Variants in SLC24A2 observed in about 807,000 individuals in gnomAD.
The protein encoded by SLC24A2 is solute carrier family 24 member 2, also known as sodium/potassium/calcium exchanger 2.
Under a neutral mutation model 62.0 loss-of-function variants are expected in SLC24A2, and 36 were observed. The ratio of observed to expected loss-of-function variants is 0.58; its 90% CI spans 0.44 to 0.77. SLC24A2 has a LOEUF of 0.77. SLC24A2 is among the 30% of genes least tolerant of loss of function. SLC24A2 has a pLI of 0.00. For synonymous variants in SLC24A2, 358 were observed against 294.0 expected, an observed-to-expected ratio of 1.22 and a Z score of -2.23; for missense variants, 846 against 817.9, an observed-to-expected ratio of 1.03 and a Z score of -0.42.
the SLC24A2 span, among the ~76,000 whole-genome samples, chr9:20,245,236 T>C: frequency 6.6e-6 from 1 of 152,216 alleles, no homozygotes; most frequent in African/African-American, 2.4e-5. Context: ...CTGTGATTAA[T>C]ACCAAGTGAC....
the SLC24A2 span, among the ~76,000 whole-genome samples, chr9:19,904,691 G>A: frequency 6.6e-6 from 1 of 152,102 alleles, no homozygotes; most frequent in Non-Finnish European, 1.5e-5. Flanking sequence ...TACATTGTAT[G>A]GTTTCTCATT....
At chr9:20,157,543 T>C in the SLC24A2 span, among the ~76,000 whole-genome samples, 1 of 151,614 alleles carries the variant, frequency 6.6e-6, no homozygotes, top group African/African-American at 2.4e-5. Context: ...GGACTTCATA[T>C]TTCACAACTA....
chr9:19,677,643 AT>A (rs1331079879), intron 2 of SLC24A2, among the ~76,000 whole-genome samples: 1 of 152,136 alleles, frequency 6.6e-6, no homozygotes, highest in Non-Finnish European at 1.5e-5. Context: ...ATTCTCATGA[AT>A]TTTGGCAATT....
intron 2 of SLC24A2, among the ~76,000 whole-genome samples, chr9:19,702,842 A>T (rs896735533): frequency 5.9e-5 from 9 of 152,206 alleles, no homozygotes; most frequent in Admixed American, 1.3e-4. Flanking sequence ...GCTTGCCATA[A>T]ATAGAAAATA....
At chr9:19,679,151 G>A (rs1450471373) in intron 2 of SLC24A2, among the ~76,000 whole-genome samples, 1 of 152,162 alleles carries the variant, frequency 6.6e-6, no homozygotes, top group East Asian at 1.9e-4. Context: ...TTATAGGCCA[G>A]CTTGTGGCAG....
chr9:19,966,473 T>G, the SLC24A2 span, among the ~76,000 whole-genome samples: 3 of 152,174 alleles, frequency 2.0e-5, no homozygotes, highest in Admixed American at 2.0e-4. Context: ...GTAGCTAAGC[T>G]AAAGCTACCA....
chr9:19,559,466 GACTT>G (rs1835284332), intron 7 of SLC24A2, among the ~76,000 whole-genome samples: 1 of 152,130 alleles, frequency 6.6e-6, no homozygotes, highest in Non-Finnish European at 1.5e-5. Context: ...GCTTTAAGTA[GACTT>G]ACTATCAGAA....
the SLC24A2 span, among the ~76,000 whole-genome samples, chr9:20,061,982 T>A: frequency 6.6e-6 from 1 of 152,162 alleles, no homozygotes; most frequent in African/African-American, 2.4e-5. Flanking sequence ...ACACCTGTAA[T>A]CCCAGTGCTT....
At chr9:19,836,876 C>T in the SLC24A2 span, among the ~76,000 whole-genome samples, 1 of 152,154 alleles carries the variant, frequency 6.6e-6, no homozygotes, top group Admixed American at 6.5e-5. Flanking sequence ...AAAGCTTATC[C>T]ACCATGATCA....
chr9:20,020,392 TA>T, the SLC24A2 span, among the ~76,000 whole-genome samples: 1 of 152,122 alleles, frequency 6.6e-6, no homozygotes, highest in African/African-American at 2.4e-5. Context: ...TATGCAGCCC[TA>T]AAAAAGGATG....
At chr9:19,528,160 T>C (rs1382325345) in intron 8 of SLC24A2, 22 bp from the exon 9 acceptor site, 2 of 1,476,474 alleles carry the variant, frequency 1.4e-6, no homozygotes, top group East Asian at 2.3e-5. Flanking sequence ...CCAGGAAGAG[T>C]TGAGAATATC....
chr9:20,262,659 A>G, the SLC24A2 span, among the ~76,000 whole-genome samples: 1 of 152,166 alleles, frequency 6.6e-6, no homozygotes, highest in Non-Finnish European at 1.5e-5. Context: ...ATCTCATTTC[A>G]TATTTGGGCA....
chr9:20,247,386 C>A, the SLC24A2 span, among the ~76,000 whole-genome samples: 38 of 152,198 alleles, frequency 2.5e-4, no homozygotes, highest in Non-Finnish European at 4.0e-4. Flanking sequence ...TCTCAAAATT[C>A]GTATGTTGAA....
chr9:20,005,865 TAAA>T, the SLC24A2 span, among the ~76,000 whole-genome samples: 1 of 140,738 alleles, frequency 7.1e-6, no homozygotes. Context: ...CCTACTCCAT[TAAA>T]AAAAAAAAAA....
chr9:19,818,986 G>A, the SLC24A2 span, among the ~76,000 whole-genome samples: 1 of 152,062 alleles, frequency 6.6e-6, no homozygotes, highest in African/African-American at 2.4e-5. Flanking sequence ...CATGGTGCTG[G>A]TATCAAAATA....
chr9:19,656,088 C>A (rs1453430414), intron 2 of SLC24A2, among the ~76,000 whole-genome samples: 1 of 152,138 alleles, frequency 6.6e-6, no homozygotes, highest in Admixed American at 6.5e-5. Context: ...TTGTGCAAGA[C>A]CTCAGACTGT....
chr9:20,053,022 T>C, the SLC24A2 span, among the ~76,000 whole-genome samples: 1 of 152,356 alleles, frequency 6.6e-6, no homozygotes, highest in African/African-American at 2.4e-5. Flanking sequence ...ACTCAGTATT[T>C]GGGTTTCATT....
chr9:19,593,757 G>A (rs1314826277), intron 5 of SLC24A2, among the ~76,000 whole-genome samples: 1 of 152,032 alleles, frequency 6.6e-6, no homozygotes, highest in Non-Finnish European at 1.5e-5. Flanking sequence ...AAAGGGCGGG[G>A]CTTTGGGGGG....
chr9:20,017,012 C>T, the SLC24A2 span, among the ~76,000 whole-genome samples: 3 of 152,066 alleles, frequency 2.0e-5, no homozygotes, highest in African/African-American at 7.2e-5. Flanking sequence ...ATAAATTAAT[C>T]CTACTTTTTA....
Sources: allele counts gnomAD v4.1 joint callset (sites outside exome capture counted in the v4.1 genomes callset), GRCh38; gene constraint gnomAD v4.1.1; transcripts MANE v1.5; gene names NCBI Gene and HGNC (gene_info 2026-07-23, HGNC 2026-07-21).